The following TMEM132D variants were observed in gnomAD, a reference collection of about 807,000 sequenced individuals.
TMEM132D encodes transmembrane protein 132D.
In TMEM132D, 21 loss-of-function variants were observed where a neutral mutation model predicts 62.3. The observed-to-expected ratio is 0.34, with a 90% CI of 0.24 to 0.49. The LOEUF (loss-of-function observed/expected upper bound fraction) is 0.49, where lower values mean the gene tolerates loss of function less well. TMEM132D is among the 20% of genes least tolerant of loss of function. The pLI, the probability that TMEM132D is intolerant of heterozygous loss-of-function variation, is 0.99. For missense variants in TMEM132D, 1,346 were observed against 1,402.8 expected (o/e 0.96, Z 0.65); for synonymous variants, 621 against 575.6 (o/e 1.08, Z -1.13).
chr12:129,360,323 C>T (rs1321065597), intron 3 of TMEM132D, among the ~76,000 whole-genome samples: 1 of 152,194 alleles, frequency 6.6e-6, no homozygotes, highest in Admixed American at 6.5e-5. Flanking sequence ...TAGGGGGGCC[C>T]TTCTCCAGCC....
chr12:129,250,224 C>T (rs1880229269), intron 4 of TMEM132D, among the ~76,000 whole-genome samples: 1 of 152,162 alleles, frequency 6.6e-6, no homozygotes, highest in South Asian at 2.1e-4. Context: ...TGACCGAGCC[C>T]AACCAGAAGC....
At chr12:129,768,475 A>T (rs1470400675) in intron 1 of TMEM132D, among the ~76,000 whole-genome samples, 1 of 151,416 alleles carries the variant, frequency 6.6e-6, no homozygotes, top group Non-Finnish European at 1.5e-5. Context: ...TTAAAAATTT[A>T]AGGAACCATC....
At chr12:129,106,279 G>C (rs1044217659) in intron 5 of TMEM132D, among the ~76,000 whole-genome samples, 11 of 117,960 alleles carry the variant, frequency 9.3e-5, no homozygotes, top group African/African-American at 4.9e-4. Context: ...GGAGGGCGGA[G>C]GGGGGAGGGA....
At chr12:129,184,128 G>A (rs902337743) in intron 5 of TMEM132D, among the ~76,000 whole-genome samples, 7 of 152,110 alleles carry the variant, frequency 4.6e-5, no homozygotes, top group African/African-American at 1.4e-4. Flanking sequence ...TCATGTCACC[G>A]TCTCACCCCT....
chr12:129,453,632 G>A (rs151284423), intron 3 of TMEM132D, among the ~76,000 whole-genome samples: 33 of 152,262 alleles, frequency 2.2e-4, no homozygotes, highest in East Asian at 9.7e-4. Context: ...ACCTGTGCAC[G>A]AACGCTGACT....
intron 1 of TMEM132D, among the ~76,000 whole-genome samples, chr12:129,879,982 A>G (rs1257970337): frequency 2.0e-5 from 3 of 152,162 alleles, no homozygotes; most frequent in Non-Finnish European, 4.4e-5. Context: ...TGATTTTCCA[A>G]AAGTCATAAA....
intron 2 of TMEM132D, among the ~76,000 whole-genome samples, chr12:129,635,567 A>G (rs1294882649): frequency 6.6e-6 from 1 of 152,180 alleles, no homozygotes; most frequent in Non-Finnish European, 1.5e-5. Context: ...CCTTTACTCC[A>G]ACCACAGCTA....
chr12:129,109,462 A>G (rs2135642851), intron 5 of TMEM132D, among the ~76,000 whole-genome samples: 1 of 152,302 alleles, frequency 6.6e-6, no homozygotes, highest in South Asian at 2.1e-4. Context: ...CAAACATCCA[A>G]TTCATGCAGT....
chr12:129,315,899 C>A (rs1040853164), intron 4 of TMEM132D, among the ~76,000 whole-genome samples: 4 of 152,054 alleles, frequency 2.6e-5, no homozygotes, highest in African/African-American at 9.7e-5. Flanking sequence ...ATTTACCCAT[C>A]TTTTCTAGGT....
chr12:129,127,575 G>A lies in TMEM132D; in HGVS notation c.1444-42873C>T, dbSNP rs76396299. Among the ~76,000 whole-genome samples the A allele has an allele frequency of 7.3e-3, 1,107 of 152,182 alleles. 17 individuals are homozygous for A. Among genetic ancestry groups the A allele is most frequent in the African/African-American group, 0.025 (1,028 of 41,518 alleles). The stretch of plus-strand genomic sequence containing the variant: ...TGAACAGCCCACTCTCTGGGCATTC[G>A]CTAAATACAGGGGCCTTTAAAAAAC... On this transcript the variant is annotated intron_variant, in intron 5 of 8. Transcript: ENST00000422113.
At chr12:129,184,423 C>T (rs1207938424) in intron 5 of TMEM132D, among the ~76,000 whole-genome samples, 2 of 152,206 alleles carry the variant, frequency 1.3e-5, no homozygotes, top group African/African-American at 4.8e-5. Flanking sequence ...ACAAACAAAA[C>T]AGAAAAGCAC....
At chr12:129,876,948 C>G (rs990984931) in intron 1 of TMEM132D, among the ~76,000 whole-genome samples, 4 of 152,050 alleles carry the variant, frequency 2.6e-5, no homozygotes, top group Non-Finnish European at 5.9e-5. Context: ...TGAACTGATA[C>G]AGAGGAAGGG....
At chr12:129,725,849 C>T (rs1045709600) in intron 1 of TMEM132D, among the ~76,000 whole-genome samples, 2 of 152,202 alleles carry the variant, frequency 1.3e-5, no homozygotes, top group African/African-American at 2.4e-5. Flanking sequence ...GGGAACCTGG[C>T]TGGTAAGTGG....
intron 2 of TMEM132D, among the ~76,000 whole-genome samples, chr12:129,627,088 C>T (rs768724817): frequency 6.6e-6 from 1 of 152,090 alleles, no homozygotes; most frequent in Non-Finnish European, 1.5e-5. Context: ...TGAATTGAGA[C>T]GATGGCATCA....
rs138333764 is a variant in TMEM132D, at chr12:129,141,424, T to C, written c.1444-56722A>G. ...ACAGCAGATACATAAAGTGAAAAAA[T>C]AGATGAACAAGATTGTTTTTGGTGT... On this transcript the variant is annotated intron_variant, in intron 5 of 8. Coordinates refer to ENST00000422113, the MANE Select transcript of TMEM132D (RefSeq NM_133448.3). 6.2e-3 allele frequency among the ~76,000 whole-genome samples: 948 copies of C among 152,156 alleles called. 31 individuals are homozygous for C. The highest frequency in any genetic ancestry group is 0.051 in the Admixed American group (778 of 15,264).
chr12:129,350,932 C>T (rs957471438), intron 3 of TMEM132D, among the ~76,000 whole-genome samples: 1 of 152,204 alleles, frequency 6.6e-6, no homozygotes, highest in Admixed American at 6.5e-5. Flanking sequence ...GGGCAAATGA[C>T]AGCTGTTCCA....
chr12:129,779,198 T>C lies in TMEM132D; in HGVS notation c.80-78500A>G, dbSNP rs185488120. Among the ~76,000 whole-genome samples the C allele has an allele frequency of 2.9e-3, 438 of 152,286 alleles. 6 individuals are homozygous for C. Among genetic ancestry groups the C allele is most frequent in the African/African-American group, 9.9e-3 (413 of 41,562 alleles). ...GGAAGGATCCATCTGGAAAGCCCCA[T>C]TTGATGCTTTAACATGCAGAGTAGA... On this transcript the variant is annotated intron_variant, in intron 1 of 8. Coordinates refer to ENST00000422113, the MANE Select transcript of TMEM132D (RefSeq NM_133448.3). This position sits in a 1 kb window ranked among gnomAD's most constrained non-coding sequence, Gnocchi z 4.1.
At chr12:129,458,177 C>T (rs868249458) in intron 3 of TMEM132D, among the ~76,000 whole-genome samples, 1 of 152,168 alleles carries the variant, frequency 6.6e-6, no homozygotes, top group Non-Finnish European at 1.5e-5. Flanking sequence ...TAAATAGTCC[C>T]TCCACTAAAT....
At chr12:129,489,978 T>C (rs1874714668) in intron 3 of TMEM132D, among the ~76,000 whole-genome samples, 1 of 152,208 alleles carries the variant, frequency 6.6e-6, no homozygotes, top group African/African-American at 2.4e-5. Flanking sequence ...CAGGGACCCT[T>C]GGGGACACAG....
Sources: allele counts gnomAD v4.1 joint callset (sites outside exome capture counted in the v4.1 genomes callset), GRCh38; gene constraint gnomAD v4.1.1; non-coding constraint Gnocchi (gnomAD v3.1); transcripts MANE v1.5; gene names NCBI Gene and HGNC (gene_info 2026-07-23, HGNC 2026-07-21).